Variants in CTNS observed in about 807,000 individuals in gnomAD.
CTNS encodes the protein cystinosin, lysosomal cystine transporter.
CTNS carries 27 observed loss-of-function variants against 43.7 expected under a neutral mutation model. That is an observed-to-expected ratio of 0.62 (90% confidence interval 0.46 to 0.85). The LOEUF is 0.85. Ranked by LOEUF, CTNS falls within the 40% of genes least tolerant of loss-of-function variation. The pLI is 0.00. For missense variants in CTNS, 457 were observed against 475.4 expected (o/e 0.96, Z 0.36); for synonymous variants, 187 against 190.6 (o/e 0.98, Z 0.16).
chr17:3,642,026 T>G (rs1480084039), intron 3 of CTNS, among the ~76,000 whole-genome samples: 1 of 144,388 alleles, frequency 6.9e-6, no homozygotes. Context: ...TGCGCGCGCG[T>G]GTATTTGCCT....
Position 3,660,224 on chromosome 17 carries a change from G to C in CTNS, c.971-12G>C, listed in dbSNP as rs375952052. 1 of 1,613,990 alleles carries C rather than the reference G, an allele frequency of 6.2e-7. No homozygotes were observed. The highest frequency in any genetic ancestry group is 8.5e-7 in the Non-Finnish European group (1 of 1,180,044). On this transcript the variant is annotated splice_polypyrimidine_tract_variant and intron_variant, in intron 11 of 11. Transcript: ENST00000046640. The stretch of plus-strand genomic sequence containing the variant: ...AACCTAACACCAGCTTCTGTCCCCC[G>C]GCTGCTAACAGACCAGTGGACGCTG...
At position 3,655,046 on chromosome 17, in the gene CTNS, C is replaced by G; in HGVS notation, c.274C>G (p.Gln92Glu). The change falls in exon 6 of 12, where the codon CAA becomes GAA. Residue 92 changes from glutamine to glutamate, a missense_variant. By Grantham distance (29) the Gln-to-Glu change is conservative (BLOSUM62 2). Coordinates refer to ENST00000046640, the MANE Select transcript of CTNS (RefSeq NM_004937.3). ...VTNSSFQVTS[Q>E]NVGQLTVYLH... ...AAACTCCTCTTTTCAAGTGACATCTCAAAATGTTGGACAACTTACTGTTTA... is the reference window on the plus strand; with the variant it reads ...AAACTCCTCTTTTCAAGTGACATCTGAAAATGTTGGACAACTTACTGTTTA... The G allele has an allele frequency of 1.2e-6, 2 of 1,614,122 alleles. No homozygotes were observed. Among genetic ancestry groups the G allele is most frequent in the Non-Finnish European group, 1.7e-6 (2 of 1,179,978 alleles).
At chr17:3,640,657 G>A (rs1055111375) in intron 3 of CTNS, among the ~76,000 whole-genome samples, 11 of 152,250 alleles carry the variant, frequency 7.2e-5, no homozygotes, top group African/African-American at 2.7e-4. Flanking sequence ...CAGAGCTTTG[G>A]GAGGCCAAGG....
chr17:3,658,207 G>A (rs772079084), intron 10 of CTNS, 32 bp downstream of exon 10: 5 of 1,610,958 alleles, frequency 3.1e-6, no homozygotes, highest in Admixed American at 3.3e-5. Context: ...CATGGCCGGT[G>A]GCAGGAGAGG....
Position 3,661,712 on chromosome 17 carries a change from C to T in CTNS, c.*1343C>T, listed in dbSNP as rs898091732. ...TCTTGGGTAGCGCGAGACGCCTACC[C>T]GCCCAGGGCCAGGTCAGTCTCCCAG... is the stretch of plus-strand genomic sequence containing the variant. On this transcript the variant is annotated 3_prime_UTR_variant, in exon 12 of 12. Coordinates refer to ENST00000046640, the MANE Select transcript of CTNS (RefSeq NM_004937.3). Among the ~76,000 whole-genome samples, 1 of 152,212 alleles carries T rather than the reference C, an allele frequency of 6.6e-6. No individual in the cohort carries two copies. The highest frequency in any genetic ancestry group is 1.5e-5 in the Non-Finnish European group (1 of 68,042).
At chr17:3,644,404 G>A (rs2075797771) in intron 3 of CTNS, among the ~76,000 whole-genome samples, 1 of 152,116 alleles carries the variant, frequency 6.6e-6, no homozygotes, top group Admixed American at 6.6e-5. Flanking sequence ...TAAAGAAGGA[G>A]GGAATAAACA....
chr17:3,654,970 T>C, intron 5 of CTNS, 28 bp from the exon 6 acceptor site: 1 of 1,536,526 alleles, frequency 6.5e-7, no homozygotes, highest in Non-Finnish European at 9.0e-7. Flanking sequence ...GTACGTGGCA[T>C]CGGATTGAAC....
chr17:3,650,027 A>T (rs2075941038), intron 5 of CTNS: 1 of 1,293,924 alleles, frequency 7.7e-7, no homozygotes, highest in Non-Finnish European at 1.0e-6. Flanking sequence ...CACGTTCGTA[A>T]CAACAACAAA....
chr17:3,652,537 A>T (rs1251345005), intron 5 of CTNS, among the ~76,000 whole-genome samples: 1 of 152,156 alleles, frequency 6.6e-6, no homozygotes, highest in Non-Finnish European at 1.5e-5. Context: ...GGTTGCAGCG[A>T]GCCGAAATCA....
At chr17:3,652,653 C>T (rs1295573532) in intron 5 of CTNS, among the ~76,000 whole-genome samples, 6 of 152,084 alleles carry the variant, frequency 3.9e-5, no homozygotes, top group African/African-American at 7.2e-5. Flanking sequence ...TGAAAGGTAG[C>T]GATTATCACT....
chr17:3,637,063 C>T (rs2075547317), intron 1 of CTNS, 44 bp from the exon 2 acceptor site: 1 of 152,340 alleles, frequency 6.6e-6, no homozygotes, highest in South Asian at 2.1e-4. Context: ...AGCCCCTTAC[C>T]TTCTGCTCAG....
At position 3,656,815 on chromosome 17, in the gene CTNS, C is replaced by T; in HGVS notation, c.681+20C>T. ...TATGAGGTGAGACCAGCCCTGGCCC[C>T]CCACAGGCCACCCCAGCCAACACCC... On this transcript the variant is annotated intron_variant, in intron 9 of 11. Transcript: ENST00000046640. 1 of 1,612,710 alleles carries T rather than the reference C, an allele frequency of 6.2e-7. No individual in the cohort carries two copies. The highest frequency in any genetic ancestry group is 2.2e-5 in the East Asian group (1 of 44,858).
Position 3,661,939 on chromosome 17 carries a change from C to T in CTNS, c.*1570C>T, listed in dbSNP as rs1213061628. Among the ~76,000 whole-genome samples, 1 of 152,188 alleles carries T rather than the reference C, an allele frequency of 6.6e-6. No individual in the cohort carries two copies. Among genetic ancestry groups the T allele is most frequent in the Non-Finnish European group, 1.5e-5 (1 of 68,044 alleles). On this transcript the variant is annotated 3_prime_UTR_variant, in exon 12 of 12. Transcript: ENST00000046640. The stretch of plus-strand genomic sequence containing the variant: ...AGAGCAGACTTTGGCCTGACGGGGT[C>T]CACAGACCTGTTTCACTTGCAACAC...
intron 5 of CTNS, among the ~76,000 whole-genome samples, chr17:3,652,569 G>A (rs2076013085): frequency 6.6e-6 from 1 of 152,108 alleles, no homozygotes; most frequent in African/African-American, 2.4e-5. Flanking sequence ...TCCAGCCTGG[G>A]TGACATGAGC....
chr17:3,648,922 C>T lies in CTNS; in HGVS notation c.216C>T (p.Leu72=). The part of the protein sequence containing the change: ...FRSKNITILE[L]PDEVVVPPGV... ...CCAAAAATATTACTATCCTTGAGCTCCCCGATGAAGTAAGTAACCAATCTT... is the reference window on the plus strand; with the variant it reads ...CCAAAAATATTACTATCCTTGAGCTTCCCGATGAAGTAAGTAACCAATCTT... The change falls in exon 5 of 12, where the codon CTC becomes CTT. Residue 72 remains leucine, a synonymous_variant. Transcript: ENST00000046640. The T allele has an allele frequency of 6.2e-7, 1 of 1,611,532 alleles. No homozygotes were observed. Among genetic ancestry groups the T allele is most frequent in the Non-Finnish European group, 8.5e-7 (1 of 1,177,636 alleles).
Position 3,655,001 on chromosome 17 carries a change from G to C in CTNS, c.229G>C (p.Val77Leu), listed in dbSNP as rs759156059. The change falls in exon 6 of 12, where the codon GTG becomes CTG. Residue 77 changes from valine (V) to leucine (L), a missense_variant. Coordinates refer to ENST00000046640, the MANE Select transcript of CTNS (RefSeq NM_004937.3). ...TGAACCTCAGTCTTCCTAACAGGTT[G>C]TGGTGCCTCCTGGAGTGACAAACTC... is the stretch of plus-strand genomic sequence containing the variant. The part of the protein sequence containing the change: ...ITILELPDEV[V>L]VPPGVTNSSF... 5 of 1,612,246 alleles carry C rather than the reference G, an allele frequency of 3.1e-6. No individual in the cohort carries two copies. Among genetic ancestry groups the C allele is most frequent in the South Asian group, 2.2e-5 (2 of 91,056 alleles).
chr17:3,641,382 A>T (rs2737144), intron 3 of CTNS, among the ~76,000 whole-genome samples: 15,713 of 40,078 alleles, frequency 0.39, 4,376 homozygotes, highest in Non-Finnish European at 0.45. Flanking sequence ...ATATATATAT[A>T]TATTTTTTTT....
Position 3,650,328 on chromosome 17 carries a change from A to G in CTNS, c.225+1397A>G, listed in dbSNP as rs751177696. 6.7e-5 allele frequency: 103 copies of G among 1,548,358 alleles called. 1 individual carries two copies. Among genetic ancestry groups the G allele is most frequent in the Middle Eastern group, 4.1e-4 (2 of 4,866 alleles). On this transcript the variant is annotated intron_variant, in intron 5 of 11. Coordinates refer to ENST00000046640, the MANE Select transcript of CTNS (RefSeq NM_004937.3). ...TGTGGGAACCTGTGATCTGAAAAAT[A>G]TAGCATCGCTGGCTGCAGAGATGTG...
At chr17:3,647,975 G>T (rs1045203784) in intron 4 of CTNS, among the ~76,000 whole-genome samples, 1 of 152,198 alleles carries the variant, frequency 6.6e-6, no homozygotes, top group East Asian at 1.9e-4. Flanking sequence ...CCTTGTCTGG[G>T]AGTCTCACTT....
Sources: allele counts gnomAD v4.1 joint callset (sites outside exome capture counted in the v4.1 genomes callset), GRCh38; gene constraint gnomAD v4.1.1; transcripts MANE v1.5; gene names NCBI Gene and HGNC (gene_info 2026-07-23, HGNC 2026-07-21).